The following NR3C2 variants were observed in gnomAD, a reference collection of about 807,000 sequenced individuals.
NR3C2 encodes the protein nuclear receptor subfamily 3 group C member 2.
In NR3C2, 15 loss-of-function variants were observed where a neutral mutation model predicts 86.4. The observed-to-expected ratio is 0.17, with a 90% CI of 0.12 to 0.27. NR3C2 has a LOEUF of 0.27. Among genes scored for constraint, NR3C2 ranks in the 10% least tolerant of loss-of-function variants. The pLI, the probability that NR3C2 is intolerant of heterozygous loss-of-function variation, is 1.00. For synonymous variants in NR3C2, 458 were observed against 450.5 expected, an observed-to-expected ratio of 1.02 and a Z score of -0.21; for missense variants, 960 against 1,195.6, an observed-to-expected ratio of 0.80 and a Z score of 2.91.
intron 2 of NR3C2, among the ~76,000 whole-genome samples, chr4:148,268,079 C>T (rs1282256937): frequency 6.6e-6 from 1 of 151,706 alleles, no homozygotes; most frequent in African/African-American, 2.4e-5. Context: ...GCTGGGATTA[C>T]AGGCACCCAC....
At position 148,081,419 on chromosome 4, in the gene NR3C2, C is replaced by T. The variant is rs757683759; in HGVS notation, c.2880G>A (p.Leu960=). ...HALKVEFPAM[L]VEIISDQLPK... is the part of the protein sequence containing the mutation. Reference sequence around the variant, plus strand: ...GCAGCTGGTCGCTGATGATCTCCACCAGCATTGCGGGGAACTCTACCTTCA... The same window carrying T: ...GCAGCTGGTCGCTGATGATCTCCACTAGCATTGCGGGGAACTCTACCTTCA... The change falls in exon 9 of 9, where the codon CTG becomes CTA. Residue 960 remains leucine (L), a synonymous_variant. Coordinates refer to ENST00000358102, the MANE Select transcript of NR3C2 (RefSeq NM_000901.5). 10 of 1,614,030 alleles carry T rather than the reference C, an allele frequency of 6.2e-6. No homozygotes were observed. The highest frequency in any genetic ancestry group is 1.6e-4 in the Middle Eastern group (1 of 6,084).
At chr4:148,302,846 CAAAAAA>C (rs35574035) in intron 2 of NR3C2, among the ~76,000 whole-genome samples, 1 of 88,542 alleles carries the variant, frequency 1.1e-5, no homozygotes, top group African/African-American at 4.5e-5. Context: ...AACTCCGTCT[CAAAAAA>C]AAAAAAAAAA....
In NR3C2 at chr4:148,436,555, A is replaced by G. The variant is rs1750084853; in HGVS notation, c.306T>C (p.Ala102=). The G allele has an allele frequency of 6.2e-7, 1 of 1,614,254 alleles. No individual in the cohort carries two copies. ...LESKELSATV[A]ESMGLYMDSV... ...AATCCATATATAAACCCATGGACTC[A>G]GCTACAGTTGCTGAAAGTTCCTTAG... The change falls in exon 2 of 9, where the codon GCT becomes GCC. Residue 102 remains alanine, a synonymous_variant. Transcript: ENST00000358102.
Position 148,435,510 on chromosome 4 carries a change from G to C in NR3C2, c.1351C>G (p.Pro451Ala). 6.2e-7 allele frequency: 1 copy of C among 1,614,076 alleles called. No individual in the cohort carries two copies. Among genetic ancestry groups the C allele is most frequent in the East Asian group, 2.2e-5 (1 of 44,882 alleles). ...GAAAAATACGAGCCATCCATAAATG[G>C]AAACGGGTTTACTGTTGGATTCCCT... ...FKGNPTVNPF[P>A]FMDGSYFSFM... Residue 451 changes from proline to alanine, a missense_variant, in exon 2 of 9, where the codon CCA becomes GCA. By Grantham distance (27) the Pro-to-Ala change is conservative. This residue lies in a region of NR3C2 where 680 missense variants were observed against 719.0 expected (regional missense o/e 0.95). Coordinates refer to ENST00000358102, the MANE Select transcript of NR3C2 (RefSeq NM_000901.5).
At chr4:148,199,196 T>C (rs534910788) in intron 3 of NR3C2, among the ~76,000 whole-genome samples, 2 of 150,522 alleles carry the variant, frequency 1.3e-5, no homozygotes, top group South Asian at 4.2e-4. Context: ...CGCCTTTGAG[T>C]AGGAAGGCCT....
intron 8 of NR3C2, among the ~76,000 whole-genome samples, chr4:148,081,761 G>C (rs1730572785): frequency 6.6e-6 from 1 of 152,290 alleles, no homozygotes; most frequent in Non-Finnish European, 1.5e-5. Flanking sequence ...AGCTGAAACA[G>C]GGACAGTGAC....
chr4:148,130,794 T>G (rs11733686), intron 6 of NR3C2, among the ~76,000 whole-genome samples: 22,733 of 114,722 alleles, frequency 0.2, 2,889 homozygotes, highest in Middle Eastern at 0.35. Flanking sequence ...CACGTTTTTT[T>G]TTTTGTTTTG....
At chr4:148,175,849 AT>A (rs536001592) in intron 4 of NR3C2, among the ~76,000 whole-genome samples, 1 of 152,120 alleles carries the variant, frequency 6.6e-6, no homozygotes, top group South Asian at 2.1e-4. Flanking sequence ...ATTTAAAAAA[AT>A]TTTTTTAGCC....
At chr4:148,313,994 C>T (rs898623636) in intron 2 of NR3C2, among the ~76,000 whole-genome samples, 54 of 152,168 alleles carry the variant, frequency 3.5e-4, no homozygotes, top group African/African-American at 1.2e-3. Flanking sequence ...GCTGTAAATA[C>T]TCTAACTTCG....
chr4:148,326,262 A>AT (rs1239622586), intron 2 of NR3C2, among the ~76,000 whole-genome samples: 1 of 150,406 alleles, frequency 6.6e-6, no homozygotes, highest in African/African-American at 2.4e-5. Context: ...TTAGCCGGGC[A>AT]TGGTGGCAGG....
rs1431329234 is a variant in NR3C2 at position 148,404,496 on chromosome 4, G to A, written c.1757+30608C>T. ...TGGGGGGAGTCTAGAGCAGGGACAC[G>A]TTATCTGTGCACAAAAATGCAAACA... On this transcript the variant is annotated intron_variant, in intron 2 of 8. Transcript: ENST00000358102. Among the ~76,000 whole-genome samples the A allele has an allele frequency of 2.0e-5, 3 of 151,986 alleles. No individual in the cohort carries two copies. In the East Asian group the frequency reaches 5.8e-4, roughly 29 times the overall value.
intron 4 of NR3C2, among the ~76,000 whole-genome samples, chr4:148,186,998 A>ATATATATATATATATATATATG (rs1735943607): frequency 1.3e-4 from 1 of 7,926 alleles, no homozygotes; most frequent in Non-Finnish European, 1.9e-4. Flanking sequence ...GTATGTATGT[A>ATATATATATATATATATATATG]TATATATATA....
At chr4:148,172,753 T>C (rs573371101) in intron 4 of NR3C2, among the ~76,000 whole-genome samples, 3 of 152,362 alleles carry the variant, frequency 2.0e-5, no homozygotes, top group East Asian at 3.9e-4. Context: ...TCTGTTCTTG[T>C]AAGTTCAGAC....
intron 2 of NR3C2, among the ~76,000 whole-genome samples, chr4:148,400,151 G>A (rs571475291): frequency 6.3e-4 from 96 of 152,282 alleles, no homozygotes; most frequent in African/African-American, 2.2e-3. Flanking sequence ...CAATAGTCTG[G>A]GATTTGATTA....
At chr4:148,155,605 A>T (rs1317583486) in intron 4 of NR3C2, among the ~76,000 whole-genome samples, 2 of 152,124 alleles carry the variant, frequency 1.3e-5, no homozygotes, top group Non-Finnish European at 2.9e-5. Flanking sequence ...TGCTCAAGGA[A>T]ATAAGAGGAT....
chr4:148,276,269 T>C (rs1740956677), intron 2 of NR3C2, among the ~76,000 whole-genome samples: 1 of 152,196 alleles, frequency 6.6e-6, no homozygotes, highest in African/African-American at 2.4e-5. Context: ...ACTAGAATTC[T>C]GCATATAAAT....
intron 2 of NR3C2, among the ~76,000 whole-genome samples, chr4:148,371,239 A>T (rs73855952): frequency 6.6e-6 from 1 of 151,894 alleles, no homozygotes; most frequent in African/African-American, 2.4e-5. Flanking sequence ...ATATTTTACT[A>T]TAGTCACCCC....
chr4:148,108,640 T>G (rs1404634496), intron 8 of NR3C2, among the ~76,000 whole-genome samples: 1 of 152,076 alleles, frequency 6.6e-6, no homozygotes, highest in Non-Finnish European at 1.5e-5. Context: ...AGGCCTTCCT[T>G]CTGTCGTGCA....
chr4:148,346,845 C>T (rs567608570), intron 2 of NR3C2, among the ~76,000 whole-genome samples: 3 of 152,192 alleles, frequency 2.0e-5, no homozygotes, highest in African/African-American at 7.2e-5. Flanking sequence ...GACTCACATT[C>T]TATTTCTATG....
Sources: allele counts gnomAD v4.1 joint callset (sites outside exome capture counted in the v4.1 genomes callset), GRCh38; gene constraint gnomAD v4.1.1; regional missense constraint gnomAD v4.1.1; transcripts MANE v1.5; gene names NCBI Gene and HGNC (gene_info 2026-07-23, HGNC 2026-07-21).